FERRY3: variants seen among roughly 807,000 people sequenced by gnomAD.
The protein encoded by FERRY3 is FERRY endosomal RAB5 effector complex subunit 3, also known as protein C12orf4.
chr12:4,496,686 C>A, the FERRY3 span, among the ~76,000 whole-genome samples: 1 of 152,172 alleles, frequency 6.6e-6, no homozygotes, highest in East Asian at 1.9e-4. Context: ...CAACTTGAAT[C>A]CTCTCATTAG....
chr12:4,525,862 T>G, the FERRY3 span, among the ~76,000 whole-genome samples: 1 of 152,324 alleles, frequency 6.6e-6, no homozygotes, highest in South Asian at 2.1e-4. Flanking sequence ...CTAAGTTACC[T>G]TTCAATTACC....
At chr12:4,491,138 A>C in the FERRY3 span, 1 of 1,593,814 alleles carries the variant, frequency 6.3e-7, no homozygotes, top group Non-Finnish European at 8.6e-7. Flanking sequence ...TTTGGGAGGA[A>C]ATACAGGTGG....
At chr12:4,505,292 A>G in the FERRY3 span, 85 of 1,502,622 alleles carry the variant, frequency 5.7e-5, no homozygotes, top group South Asian at 9.3e-4. Flanking sequence ...TTTAAAATAA[A>G]AAGAAATACT....
At chr12:4,518,844 T>G in the FERRY3 span, 1 of 1,591,670 alleles carries the variant, frequency 6.3e-7, no homozygotes, top group Non-Finnish European at 8.6e-7. Context: ...CTTCTACAGA[T>G]TCTCTGAACT....
the FERRY3 span, among the ~76,000 whole-genome samples, chr12:4,502,842 A>G: frequency 6.6e-6 from 1 of 152,238 alleles, no homozygotes; most frequent in Non-Finnish European, 1.5e-5. The surrounding 1 kb of genome is among the most constrained non-coding windows in gnomAD (Gnocchi z 4.2). Flanking sequence ...ATAAACAGAG[A>G]AGGAAATTAA....
the FERRY3 span, among the ~76,000 whole-genome samples, chr12:4,537,471 AAAT>A: frequency 6.6e-6 from 1 of 152,204 alleles, no homozygotes; most frequent in African/African-American, 2.4e-5. Context: ...AAGAACTAAT[AAAT>A]AATTGTTGGA....
At chr12:4,500,838 AG>A in the FERRY3 span, among the ~76,000 whole-genome samples, 2 of 152,212 alleles carry the variant, frequency 1.3e-5, no homozygotes, top group East Asian at 3.9e-4. Flanking sequence ...TTTTTAGTAG[AG>A]ATGGGGTTTC....
At chr12:4,513,845 A>G in the FERRY3 span, among the ~76,000 whole-genome samples, 1 of 152,164 alleles carries the variant, frequency 6.6e-6, no homozygotes, top group Non-Finnish European at 1.5e-5. Context: ...CAAGGACTTC[A>G]TGTCCAAAAC....
the FERRY3 span, among the ~76,000 whole-genome samples, chr12:4,526,541 C>T: frequency 3.3e-5 from 5 of 152,042 alleles, no homozygotes; most frequent in African/African-American, 7.2e-5. Flanking sequence ...AGGTAAATTG[C>T]TCTTAAGAGT....
the FERRY3 span, among the ~76,000 whole-genome samples, chr12:4,523,100 C>T: frequency 6.6e-6 from 1 of 152,172 alleles, no homozygotes; most frequent in Non-Finnish European, 1.5e-5. Context: ...TATTCCTCAA[C>T]TGACCTGACT....
At chr12:4,531,132 T>A in the FERRY3 span, among the ~76,000 whole-genome samples, 1 of 152,228 alleles carries the variant, frequency 6.6e-6, no homozygotes, top group Admixed American at 6.5e-5. Flanking sequence ...TTTTCTAATT[T>A]GTTCTCTTTC....
chr12:4,529,860 T>C, the FERRY3 span: 10 of 1,565,396 alleles, frequency 6.4e-6, no homozygotes, highest in Admixed American at 2.0e-5. Flanking sequence ...TGCAAGAAAT[T>C]TGAAATACCT....
At chr12:4,520,515 A>G in the FERRY3 span, among the ~76,000 whole-genome samples, 1 of 152,234 alleles carries the variant, frequency 6.6e-6, no homozygotes, top group Non-Finnish European at 1.5e-5. Context: ...GATGGAGCAG[A>G]GAGACAGAGA....
chr12:4,506,085 T>C, the FERRY3 span, among the ~76,000 whole-genome samples: 2 of 152,066 alleles, frequency 1.3e-5, no homozygotes, highest in African/African-American at 4.8e-5. Context: ...TGAATATACA[T>C]TATAAAGACT....
chr12:4,518,212 T>G, the FERRY3 span: 19 of 1,614,062 alleles, frequency 1.2e-5, 1 homozygote, highest in African/African-American at 8.0e-5. Flanking sequence ...CCAGCATATC[T>G]GCTCTCAGCA....
chr12:4,489,966 G>A, the FERRY3 span: 1 of 1,112,294 alleles, frequency 9.0e-7, no homozygotes, highest in Non-Finnish European at 1.3e-6. Context: ...AATTTTAGAA[G>A]TATTTTAAAA....
the FERRY3 span, chr12:4,505,521 A>T: frequency 9.6e-6 from 6 of 623,446 alleles, no homozygotes; most frequent in African/African-American, 1.8e-5. Context: ...TATGCTTTAC[A>T]TGGATGATGT....
At chr12:4,501,950 C>T in the FERRY3 span, among the ~76,000 whole-genome samples, 1 of 152,032 alleles carries the variant, frequency 6.6e-6, no homozygotes, top group African/African-American at 2.4e-5. Flanking sequence ...ATCATCTTGT[C>T]TCACTCTTTC....
the FERRY3 span, among the ~76,000 whole-genome samples, chr12:4,522,887 C>T: frequency 6.6e-6 from 1 of 152,084 alleles, no homozygotes; most frequent in Non-Finnish European, 1.5e-5. Flanking sequence ...AGTATTATGC[C>T]ACATGAAAGA....
Sources: gnomAD v4.1 joint callset for allele counts (sites outside exome capture counted in the v4.1 genomes callset) on GRCh38, gnomAD v4.1.1 for gene constraint, Gnocchi (gnomAD v3.1) non-coding constraint, MANE v1.5 for transcripts, NCBI Gene and HGNC (gene_info 2026-07-23, HGNC 2026-07-21) for gene names.